Variants in PTPN13 observed in about 807,000 individuals in gnomAD.
The protein encoded by PTPN13 is tyrosine-protein phosphatase non-receptor type 13.
In PTPN13, 191 loss-of-function variants were observed where a neutral mutation model predicts 284.0. That is an observed-to-expected ratio of 0.67 (90% CI 0.60 to 0.76). The LOEUF (loss-of-function observed/expected upper bound fraction) is 0.76. Among genes scored for constraint, PTPN13 ranks in the 30% least tolerant of loss-of-function variants. PTPN13 has a pLI of 0.00. For synonymous variants in PTPN13, 986 were observed against 1,022.3 expected (o/e 0.96, Z 0.68); for missense variants, 2,797 against 2,939.9 (o/e 0.95, Z 1.12).
chr4:86,771,406 A>G lies in PTPN13; in HGVS notation c.5039A>G (p.His1680Arg), dbSNP rs766033514. ...ISNSTWSSAL[H>R]QTLSNMVSQA... ...AATTCGACCTGGAGTTCAGCTTTGC[A>G]TCAGACTCTAAGCAACATGGTATCA... The change falls in exon 31 of 48, where the codon CAT becomes CGT. Residue 1680 changes from histidine to arginine, a missense_variant. Transcript: ENST00000411767. The G allele has an allele frequency of 5.7e-6, 9 of 1,566,910 alleles. No homozygotes were observed. Among genetic ancestry groups the G allele is most frequent in the South Asian group, 1.2e-5 (1 of 85,204 alleles).
At chr4:86,635,983 ACACT>A (rs1451114856) in intron 2 of PTPN13, among the ~76,000 whole-genome samples, 1 of 152,092 alleles carries the variant, frequency 6.6e-6, no homozygotes, top group Non-Finnish European at 1.5e-5. Context: ...AAATACACAC[ACACT>A]CACACACGAA....
chr4:86,728,216 A>C (rs1243349851), intron 10 of PTPN13, among the ~76,000 whole-genome samples: 2 of 149,504 alleles, frequency 1.3e-5, no homozygotes, highest in Admixed American at 1.3e-4. Context: ...ACATTTGCTG[A>C]GTAGTGTTTT....
chr4:86,779,517 C>T (rs1449319033), intron 35 of PTPN13, among the ~76,000 whole-genome samples: 1 of 152,110 alleles, frequency 6.6e-6, no homozygotes, highest in Non-Finnish European at 1.5e-5. Flanking sequence ...CCTTGGGAAC[C>T]CACCATTTTG....
At chr4:86,680,557 C>A (rs1239704234) in intron 3 of PTPN13, among the ~76,000 whole-genome samples, 1 of 152,142 alleles carries the variant, frequency 6.6e-6, no homozygotes, top group Non-Finnish European at 1.5e-5. Context: ...TCTCTTCTCT[C>A]GGACTTTTGT....
intron 44 of PTPN13, among the ~76,000 whole-genome samples, chr4:86,806,541 G>A (rs1430216543): frequency 6.6e-6 from 1 of 152,186 alleles, no homozygotes; most frequent in East Asian, 1.9e-4. Context: ...TCAGATCACT[G>A]TTTGGCATAA....
intron 40 of PTPN13, 31 bp from the exon 41 acceptor site, chr4:86,796,843 C>T: frequency 7.3e-7 from 1 of 1,373,824 alleles, no homozygotes; most frequent in Non-Finnish European, 1.0e-6. Flanking sequence ...TTACAATGGG[C>T]TGATTTGATT....
chr4:86,614,743 A>C (rs1720347705), intron 1 of PTPN13, among the ~76,000 whole-genome samples: 1 of 152,158 alleles, frequency 6.6e-6, no homozygotes, highest in African/African-American at 2.4e-5. Context: ...AATGCTACCA[A>C]TTCCAGTAAA....
At position 86,812,662 on chromosome 4, in the gene PTPN13, G is replaced by A. The variant is rs115500005; in HGVS notation, c.7362+1554G>A. 1.6e-3 allele frequency among the ~76,000 whole-genome samples: 241 copies of A among 152,234 alleles called. 1 individual carries two copies. Among genetic ancestry groups the A allele is most frequent in the Non-Finnish European group, 2.3e-3 (159 of 68,014 alleles). Reference sequence around the variant, plus strand: ...AGCCTTTCAGGCAGAGGGACCACCTGTGTGGAAGTCCAAGGGTCTTGAGTG... The same window carrying A: ...AGCCTTTCAGGCAGAGGGACCACCTATGTGGAAGTCCAAGGGTCTTGAGTG... On this transcript the variant is annotated intron_variant, in intron 47 of 47. Coordinates refer to ENST00000411767, the MANE Select transcript of PTPN13 (RefSeq NM_080683.3).
chr4:86,771,034 A>C, intron 30 of PTPN13, 137 bp from the exon 31 acceptor site: 1 of 853,576 alleles, frequency 1.2e-6, no homozygotes, highest in Middle Eastern at 3.1e-4. Context: ...TATTTTCTCT[A>C]TTGAACATAA....
At chr4:86,612,240 C>A (rs1719979205) in intron 1 of PTPN13, among the ~76,000 whole-genome samples, 1 of 151,998 alleles carries the variant, frequency 6.6e-6, no homozygotes, top group African/African-American at 2.4e-5. Context: ...AATTTTCAGG[C>A]ACACAAAGAA....
chr4:86,734,659 C>A, intron 13 of PTPN13, 78 bp from the exon 14 acceptor site: 2 of 1,472,890 alleles, frequency 1.4e-6, no homozygotes, highest in South Asian at 2.8e-5. Context: ...TGGAAATTAA[C>A]CTTACATGCC....
At chr4:86,637,164 A>C (rs1723120717) in intron 2 of PTPN13, among the ~76,000 whole-genome samples, 1 of 152,064 alleles carries the variant, frequency 6.6e-6, no homozygotes, top group South Asian at 2.1e-4. Flanking sequence ...CAATAACAGG[A>C]TCTGAAATTG....
At chr4:86,612,822 C>G (rs1034032487) in intron 1 of PTPN13, among the ~76,000 whole-genome samples, 1 of 152,194 alleles carries the variant, frequency 6.6e-6, no homozygotes, top group Non-Finnish European at 1.5e-5. Flanking sequence ...ATAGTGACAT[C>G]TTTAAAGTGC....
rs572008913 is a variant in PTPN13, at chr4:86,752,071, A to G, written c.3167-938A>G. ...CTTGTGCAACTTAAAAGGGAAACGC[A>G]CTGGAGTCGATCTTTGAAAAGAATG... On this transcript the variant is annotated intron_variant, in intron 19 of 47. Coordinates refer to ENST00000411767, the MANE Select transcript of PTPN13 (RefSeq NM_080683.3). 5.3e-5 allele frequency among the ~76,000 whole-genome samples: 8 copies of G among 152,284 alleles called. No homozygotes were observed. In the South Asian group the frequency reaches 1.7e-3, roughly 32 times the overall value.
At chr4:86,706,417 A>G (rs1731772716) in intron 7 of PTPN13, among the ~76,000 whole-genome samples, 1 of 152,222 alleles carries the variant, frequency 6.6e-6, no homozygotes, top group Non-Finnish European at 1.5e-5. Context: ...ATAATTTTTA[A>G]TACAGTGAAA....
intron 1 of PTPN13, among the ~76,000 whole-genome samples, chr4:86,597,584 T>G (rs1219774241): frequency 6.6e-6 from 1 of 152,052 alleles, no homozygotes; most frequent in African/African-American, 2.4e-5. Context: ...CTTTGGGAGG[T>G]GGAGTTCTAA....
intron 44 of PTPN13, among the ~76,000 whole-genome samples, chr4:86,806,265 G>A (rs1431609460): frequency 2.0e-5 from 3 of 151,580 alleles, no homozygotes; most frequent in African/African-American, 7.3e-5. Context: ...GAATGTGTGT[G>A]CCAAAATACT....
At chr4:86,703,733 G>C (rs1013583169) in intron 7 of PTPN13, among the ~76,000 whole-genome samples, 3 of 152,088 alleles carry the variant, frequency 2.0e-5, no homozygotes, top group African/African-American at 7.2e-5. Flanking sequence ...TCCAAGTGTG[G>C]TGGTGCACAC....
At chr4:86,648,191 C>T (rs1488697554) in intron 2 of PTPN13, among the ~76,000 whole-genome samples, 1 of 152,080 alleles carries the variant, frequency 6.6e-6, no homozygotes, top group East Asian at 1.9e-4. Context: ...CTGGGTTATT[C>T]ATCACCTCAA....
Sources: gnomAD v4.1 joint callset for allele counts (sites outside exome capture counted in the v4.1 genomes callset) on GRCh38, gnomAD v4.1.1 for gene constraint, MANE v1.5 for transcripts, NCBI Gene and HGNC (gene_info 2026-07-23, HGNC 2026-07-21) for gene names.